NUP62CL: variants seen among roughly 807,000 people sequenced by gnomAD.
The protein encoded by NUP62CL is nucleoporin 62 C-terminal like, also known as nucleoporin-62 C-terminal-like protein.
Under a neutral mutation model 15.3 loss-of-function variants are expected in NUP62CL, and 13 were observed. The ratio of observed to expected loss-of-function variants is 0.85; its 90% CI spans 0.55 to 1.35. NUP62CL has a LOEUF of 1.35. NUP62CL is among the 40% of genes most tolerant of loss of function. NUP62CL has a pLI of 0.00. For missense variants in NUP62CL, 123 were observed against 130.6 expected (o/e 0.94, Z 0.28); for synonymous variants, 54 against 49.2 (o/e 1.10, Z -0.41).
chrX:107,143,045 C>A (rs189918198), intron 8 of NUP62CL, among the ~76,000 whole-genome samples: 2 of 111,492 alleles, frequency 1.8e-5, no homozygotes, highest in African/African-American at 6.5e-5. Context: ...TTCAGACACT[C>A]CTTAATTCAA....
intron 8 of NUP62CL, chrX:107,131,667 AT>A: frequency 1.6e-6 from 1 of 628,006 alleles, no homozygotes; most frequent in Non-Finnish European, 2.7e-6. Context: ...GATCTGGAGG[AT>A]GGAGAAGAGG....
intron 7 of NUP62CL, among the ~76,000 whole-genome samples, chrX:107,148,730 T>G (rs1299656659): frequency 9.0e-6 from 1 of 111,209 alleles, no homozygotes; most frequent in African/African-American, 3.3e-5. Context: ...CAGTGCATAA[T>G]ATGAACTTAC....
intron 4 of NUP62CL, among the ~76,000 whole-genome samples, chrX:107,157,933 G>GC (rs1437000347): frequency 9.3e-6 from 1 of 107,497 alleles, no homozygotes; most frequent in Non-Finnish European, 1.9e-5. Flanking sequence ...GATGGAGGAA[G>GC]ATCTACCAAG....
At chrX:107,201,056 T>C (rs1459732002) in intron 1 of NUP62CL, among the ~76,000 whole-genome samples, 4 of 111,845 alleles carry the variant, frequency 3.6e-5, no homozygotes, top group Non-Finnish European at 5.6e-5. Context: ...CTGGCTAATA[T>C]AACTTAAAGT....
intron 2 of NUP62CL, among the ~76,000 whole-genome samples, chrX:107,186,013 C>T (rs1335173317): frequency 9.0e-6 from 1 of 111,633 alleles, no homozygotes; most frequent in African/African-American, 3.3e-5. Context: ...AGGGCCAATC[C>T]TCTAAGAAGT....
chrX:107,142,340 T>G (rs759353913), intron 8 of NUP62CL, among the ~76,000 whole-genome samples: 1 of 111,515 alleles, frequency 9.0e-6, no homozygotes, highest in African/African-American at 3.3e-5. Flanking sequence ...CTAATGGGAT[T>G]TTATTTTGGA....
At chrX:107,129,162 A>C (rs1052249967) in intron 8 of NUP62CL, among the ~76,000 whole-genome samples, 1 of 112,403 alleles carries the variant, frequency 8.9e-6, no homozygotes. Flanking sequence ...AGGAGACAAC[A>C]AAAAAACTAT....
intron 1 of NUP62CL, among the ~76,000 whole-genome samples, chrX:107,204,924 A>G (rs1927632557): frequency 9.5e-6 from 1 of 104,942 alleles, no homozygotes; most frequent in Non-Finnish European, 1.9e-5. Context: ...TAAATTATTT[A>G]TTTAAATAAA....
At chrX:107,135,740 C>T (rs749870871) in intron 8 of NUP62CL, among the ~76,000 whole-genome samples, 2 of 110,061 alleles carry the variant, frequency 1.8e-5, no homozygotes, top group African/African-American at 3.3e-5. Flanking sequence ...AGTAGTCCTC[C>T]CTTAGGCATG....
At position 107,162,200 on chromosome X, in the gene NUP62CL, C is replaced by T. The variant is rs145493423; in HGVS notation, c.194+5449G>A. On this transcript the variant is annotated intron_variant, in intron 4 of 8. Coordinates refer to ENST00000372466, the MANE Select transcript of NUP62CL (RefSeq NM_017681.3). ...ATTTACAGAAAACAAAGAAAAACTT[C>T]GCAGAAACAAATGAAAAATGTCTCA... Among the ~76,000 whole-genome samples the T allele has an allele frequency of 7.0e-3, 772 of 109,890 alleles. 6 individuals carry two copies. Among genetic ancestry groups the T allele is most frequent in the African/African-American group, 0.022 (680 of 30,252 alleles).
At chrX:107,152,466 A>C (rs1394591060) in intron 7 of NUP62CL, among the ~76,000 whole-genome samples, 1 of 110,719 alleles carries the variant, frequency 9.0e-6, no homozygotes, top group South Asian at 3.8e-4. Flanking sequence ...AAACAGGCCC[A>C]GTCTTAACTC....
chrX:107,145,887 C>A (rs1314763179), intron 8 of NUP62CL, among the ~76,000 whole-genome samples: 1 of 111,282 alleles, frequency 9.0e-6, no homozygotes, highest in Non-Finnish European at 1.9e-5. Flanking sequence ...TTCAGAATGT[C>A]TCACACATAG....
At chrX:107,164,065 C>G (rs1926450478) in intron 4 of NUP62CL, among the ~76,000 whole-genome samples, 1 of 111,617 alleles carries the variant, frequency 9.0e-6, no homozygotes, top group Non-Finnish European at 1.9e-5. Flanking sequence ...TTTCAAATGT[C>G]CATGGAACAT....
intron 4 of NUP62CL, among the ~76,000 whole-genome samples, chrX:107,164,083 G>C (rs1327834881): frequency 9.0e-6 from 1 of 111,602 alleles, no homozygotes; most frequent in African/African-American, 3.3e-5. Flanking sequence ...CATTCATCAA[G>C]ACAGACTGTA....
chrX:107,185,757 T>A (rs1239295656), intron 2 of NUP62CL, among the ~76,000 whole-genome samples: 1 of 111,735 alleles, frequency 8.9e-6, no homozygotes, highest in Non-Finnish European at 1.9e-5. Flanking sequence ...TACATGTAAA[T>A]GGCCTATACA....
At position 107,145,672 on chromosome X, in the gene NUP62CL, A is replaced by G. The variant is rs763590956; in HGVS notation, c.*42+2071T>C. 8.1e-5 allele frequency among the ~76,000 whole-genome samples: 9 copies of G among 111,705 alleles called. No individual in the cohort carries two copies. In the South Asian group the frequency reaches 2.2e-3, roughly 28 times the overall value. ...ATCTAGTAAAATAAACAATTCCTTAATATCATTTAATATACAGTCCATATT... is the reference window on the plus strand; with the variant it reads ...ATCTAGTAAAATAAACAATTCCTTAGTATCATTTAATATACAGTCCATATT... On this transcript the variant is annotated intron_variant, in intron 8 of 8. Transcript: ENST00000372466.
intron 2 of NUP62CL, among the ~76,000 whole-genome samples, chrX:107,180,979 C>T (rs1926906624): frequency 9.9e-6 from 1 of 101,332 alleles, no homozygotes; most frequent in Non-Finnish European, 2.0e-5. Flanking sequence ...TGCAGTGGCA[C>T]GATCTCGGCT....
At chrX:107,186,758 C>A (rs990986996) in intron 2 of NUP62CL, among the ~76,000 whole-genome samples, 3 of 110,938 alleles carry the variant, frequency 2.7e-5, no homozygotes, top group African/African-American at 9.8e-5. Flanking sequence ...GTTAGCTGGG[C>A]ATGGGGGTGC....
intron 1 of NUP62CL, among the ~76,000 whole-genome samples, chrX:107,196,966 A>T (rs1019267864): frequency 9.0e-6 from 1 of 111,677 alleles, no homozygotes; most frequent in African/African-American, 3.3e-5. Flanking sequence ...CTTGTTTTCA[A>T]CCTTTCTGTG....
Sources: allele counts gnomAD v4.1 joint callset (sites outside exome capture counted in the v4.1 genomes callset), GRCh38; gene constraint gnomAD v4.1.1; transcripts MANE v1.5; gene names NCBI Gene and HGNC (gene_info 2026-07-23, HGNC 2026-07-21).